Variants in ACOXL observed in about 807,000 individuals in gnomAD.
ACOXL encodes the protein acyl-coenzyme A oxidase-like protein.
ACOXL carries 70 observed loss-of-function variants against 71.9 expected under a neutral mutation model. That is an observed-to-expected ratio of 0.97 (90% CI 0.80 to 1.19). The LOEUF (loss-of-function observed/expected upper bound fraction) is 1.19, where lower values mean the gene tolerates loss of function less well. Ranked by LOEUF, ACOXL falls within the 50% of genes most tolerant of loss-of-function variation. The pLI, the probability that ACOXL is intolerant of heterozygous loss-of-function variation, is 0.00. For synonymous variants in ACOXL, 253 were observed against 281.6 expected (o/e 0.90, Z 1.02); for missense variants, 703 against 736.3 (o/e 0.95, Z 0.52).
intron 16 of ACOXL, among the ~76,000 whole-genome samples, chr2:111,077,149 T>TA (rs1256667501): frequency 1.3e-5 from 2 of 152,250 alleles, no homozygotes; most frequent in African/African-American, 2.4e-5. Flanking sequence ...CTGCAACACT[T>TA]ACCTTCTTTT....
At chr2:110,906,208 C>G (rs1026705351) in intron 10 of ACOXL, among the ~76,000 whole-genome samples, 1 of 151,972 alleles carries the variant, frequency 6.6e-6, no homozygotes, top group African/African-American at 2.4e-5. Context: ...ACAAAGAGTT[C>G]GCCATAGAAA....
intron 7 of ACOXL, among the ~76,000 whole-genome samples, chr2:110,800,214 T>G (rs909299065): frequency 6.6e-6 from 1 of 152,216 alleles, no homozygotes; most frequent in African/African-American, 2.4e-5. Context: ...GGTCTGTGGC[T>G]TCATTCTTGA....
intron 11 of ACOXL, among the ~76,000 whole-genome samples, chr2:110,927,276 C>A (rs2060309140): frequency 6.6e-6 from 1 of 152,190 alleles, no homozygotes; most frequent in Non-Finnish European, 1.5e-5. Context: ...CCTCCCCCAA[C>A]ACATGGGAAT....
intron 12 of ACOXL, among the ~76,000 whole-genome samples, chr2:110,965,673 A>G (rs2061893046): frequency 1.3e-5 from 2 of 152,166 alleles, no homozygotes; most frequent in African/African-American, 4.8e-5. Flanking sequence ...CTGGCCTGCT[A>G]AGATAGAATA....
At chr2:110,746,820 C>T (rs1464817194) in intron 1 of ACOXL, among the ~76,000 whole-genome samples, 1 of 151,516 alleles carries the variant, frequency 6.6e-6, no homozygotes, top group Non-Finnish European at 1.5e-5. Flanking sequence ...TCTTCTCCCC[C>T]CGCCCTTTAG....
chr2:111,002,785 A>C lies in ACOXL; in HGVS notation c.1281+6781A>C, dbSNP rs368529978. 1.3e-4 allele frequency among the ~76,000 whole-genome samples: 20 copies of C among 152,206 alleles called. No individual in the cohort carries two copies. The East Asian group carries it at 3.7e-3, about 28-fold the overall frequency. Reference sequence around the variant, plus strand: ...TTTTTATTTTATTAATACAGGTTGAATGCTTGGGACAAGAAGTGTTTCCAA... The same window carrying C: ...TTTTTATTTTATTAATACAGGTTGACTGCTTGGGACAAGAAGTGTTTCCAA... On this transcript the variant is annotated intron_variant, in intron 14 of 17. Coordinates refer to ENST00000439055, the MANE Select transcript of ACOXL (RefSeq NM_001142807.4).
chr2:110,919,993 T>C (rs1299237035), intron 11 of ACOXL, among the ~76,000 whole-genome samples: 2 of 152,242 alleles, frequency 1.3e-5, no homozygotes, highest in African/African-American at 2.4e-5. Flanking sequence ...AGGTTGTTTC[T>C]AGTTTTTACA....
chr2:110,933,622 C>T lies in ACOXL; in HGVS notation c.1039C>T (p.Arg347Cys), dbSNP rs200635929. The change falls in exon 12 of 18, where the codon CGC becomes TGC. Residue 347 changes from arginine (R) to cysteine (C), a missense_variant. Physicochemically the swap from Arg to Cys is radical, Grantham distance 180. Coordinates refer to ENST00000439055, the MANE Select transcript of ACOXL (RefSeq NM_001142807.4). ...GAACATCCGCTGCCTGCAGGACTGCCGCGAGTGCACTGGAGGCATGGTGAG... is the reference window on the plus strand; with the variant it reads ...GAACATCCGCTGCCTGCAGGACTGCTGCGAGTGCACTGGAGGCATGGTGAG... The part of the protein sequence containing the change: ...WENIRCLQDC[R>C]ECTGGMVVGR... 27 of 1,612,108 alleles carry T rather than the reference C, an allele frequency of 1.7e-5. No individual in the cohort carries two copies. The highest frequency in any genetic ancestry group is 1.9e-4 in the Middle Eastern group (1 of 5,206).
rs2059554830 is a variant in ACOXL, at chr2:110,908,922, G to A, written c.905+17G>A. On this transcript the variant is annotated intron_variant, in intron 11 of 17. Coordinates refer to ENST00000439055, the MANE Select transcript of ACOXL (RefSeq NM_001142807.4). ...CGTCAGCAGGTGAGATGGCTCTCAGGGTTTGCTCTCTTAGGGTAAGTGTGA... is the reference window on the plus strand; with the variant it reads ...CGTCAGCAGGTGAGATGGCTCTCAGAGTTTGCTCTCTTAGGGTAAGTGTGA... 3 of 1,601,002 alleles carry A rather than the reference G, an allele frequency of 1.9e-6. No individual in the cohort carries two copies. Among genetic ancestry groups the A allele is most frequent in the South Asian group, 1.1e-5 (1 of 90,470 alleles).
intron 9 of ACOXL, among the ~76,000 whole-genome samples, chr2:110,811,978 G>A (rs1274618590): frequency 1.3e-5 from 2 of 152,098 alleles, no homozygotes; most frequent in Admixed American, 6.5e-5. Flanking sequence ...TTTTCTTTGC[G>A]TTTATTTACT....
intron 16 of ACOXL, among the ~76,000 whole-genome samples, chr2:111,060,271 G>A (rs2066745237): frequency 6.6e-6 from 1 of 152,148 alleles, no homozygotes; most frequent in Non-Finnish European, 1.5e-5. Context: ...CCACTGCGGT[G>A]GTGTCAGAGA....
At chr2:111,008,090 C>T (rs1333767504) in intron 14 of ACOXL, among the ~76,000 whole-genome samples, 3 of 152,232 alleles carry the variant, frequency 2.0e-5, no homozygotes, top group Non-Finnish European at 2.9e-5. Flanking sequence ...TTTAACCTTA[C>T]AGTATCTAGT....
At chr2:110,923,163 C>T (rs2149301035) in intron 11 of ACOXL, among the ~76,000 whole-genome samples, 1 of 152,266 alleles carries the variant, frequency 6.6e-6, no homozygotes, top group South Asian at 2.1e-4. Context: ...AAAGTTGGCA[C>T]ATTCTGCGAC....
intron 13 of ACOXL, among the ~76,000 whole-genome samples, chr2:110,989,589 A>G (rs1418019883): frequency 6.6e-6 from 1 of 152,180 alleles, no homozygotes; most frequent in East Asian, 1.9e-4. Flanking sequence ...TAGAAAGTAG[A>G]ATATTGGTTC....
chr2:110,807,478 C>T (rs758132053), intron 9 of ACOXL, among the ~76,000 whole-genome samples: 3 of 152,192 alleles, frequency 2.0e-5, no homozygotes, highest in East Asian at 1.9e-4. Flanking sequence ...TGGGTACCCT[C>T]GCCTCCAAGT....
intron 10 of ACOXL, among the ~76,000 whole-genome samples, chr2:110,867,058 C>T (rs1018583173): frequency 6.6e-6 from 1 of 152,106 alleles, no homozygotes; most frequent in African/African-American, 2.4e-5. Flanking sequence ...AAGGATAGAC[C>T]GTGCTTTGCT....
intron 10 of ACOXL, among the ~76,000 whole-genome samples, chr2:110,893,341 A>T (rs1037012569): frequency 2.7e-5 from 4 of 150,874 alleles, no homozygotes; most frequent in Non-Finnish European, 5.9e-5. Context: ...CATAGCTAAT[A>T]ATTAATATGC....
chr2:111,117,420 C>CAA (rs1213444721), intron 17 of ACOXL, among the ~76,000 whole-genome samples, 196 bp from the exon 18 acceptor site: 1 of 152,192 alleles, frequency 6.6e-6, no homozygotes, highest in East Asian at 1.9e-4. Context: ...GGCTAGGTGT[C>CAA]AGAGTTGGGA....
chr2:110,872,610 A>G (rs1452203999), intron 10 of ACOXL, among the ~76,000 whole-genome samples: 3 of 152,248 alleles, frequency 2.0e-5, no homozygotes, highest in South Asian at 2.1e-4. Flanking sequence ...CAGCAAGGCC[A>G]TGCCAGGCTT....
Sources: allele counts gnomAD v4.1 joint callset (sites outside exome capture counted in the v4.1 genomes callset), GRCh38; gene constraint gnomAD v4.1.1; transcripts MANE v1.5; gene names NCBI Gene and HGNC (gene_info 2026-07-23, HGNC 2026-07-21).